DOCK4: variants seen among roughly 807,000 people sequenced by gnomAD.
The protein encoded by DOCK4 is dedicator of cytokinesis 4, also known as dedicator of cytokinesis protein 4.
Under a neutral mutation model 268.1 loss-of-function variants are expected in DOCK4, and 97 were observed. The ratio of observed to expected loss-of-function variants is 0.36; its 90% CI spans 0.31 to 0.43. DOCK4 has a LOEUF of 0.43. Ranked by LOEUF, DOCK4 falls within the 20% of genes least tolerant of loss-of-function variation. DOCK4 has a pLI of 1.00. For synonymous variants in DOCK4, 954 were observed against 887.2 expected (o/e 1.08, Z -1.34); for missense variants, 2,145 against 2,455.7 (o/e 0.87, Z 2.67).
chr7:111,852,239 C>T (rs1260664499), intron 23 of DOCK4, among the ~76,000 whole-genome samples: 1 of 152,186 alleles, frequency 6.6e-6, no homozygotes, highest in East Asian at 1.9e-4. Context: ...GCTAGGATTA[C>T]AGGCGTGAGC....
At chr7:111,976,709 T>C (rs1463565168) in intron 8 of DOCK4, 1 of 152,526 alleles carries the variant, frequency 6.6e-6, no homozygotes, top group African/African-American at 2.4e-5. Flanking sequence ...AGTATTTAGT[T>C]GTCTCTTTAA....
At chr7:112,086,977 C>A (rs1214736137) in intron 1 of DOCK4, among the ~76,000 whole-genome samples, 5 of 152,040 alleles carry the variant, frequency 3.3e-5, no homozygotes, top group African/African-American at 7.2e-5. Context: ...AATGAATAAC[C>A]TTGCATGCTG....
At chr7:111,764,017 T>A (rs1238258770) in intron 39 of DOCK4, among the ~76,000 whole-genome samples, 4 of 152,146 alleles carry the variant, frequency 2.6e-5, no homozygotes, top group Non-Finnish European at 5.9e-5. Flanking sequence ...AATCAAGATT[T>A]CCTCCAGTTT....
chr7:111,822,529 C>A, intron 26 of DOCK4, 73 bp from the exon 27 acceptor site: 1 of 1,270,628 alleles, frequency 7.9e-7, no homozygotes, highest in East Asian at 2.5e-5. Flanking sequence ...CATACACAGG[C>A]AGTACTGTTG....
At chr7:111,832,674 C>T (rs547231732) in intron 26 of DOCK4, among the ~76,000 whole-genome samples, 9 of 151,942 alleles carry the variant, frequency 5.9e-5, no homozygotes, top group Non-Finnish European at 1.2e-4. Flanking sequence ...ACTACAGGCA[C>T]GAGCCACCAT....
chr7:111,761,017 C>T (rs895314029), intron 39 of DOCK4, among the ~76,000 whole-genome samples: 1 of 151,796 alleles, frequency 6.6e-6, no homozygotes, highest in Non-Finnish European at 1.5e-5. Context: ...AGTCAGTGCC[C>T]CCTACAACAC....
intron 40 of DOCK4, 84 bp from the exon 41 acceptor site, chr7:111,758,874 A>C (rs1246834642): frequency 8.0e-7 from 1 of 1,251,710 alleles, no homozygotes; most frequent in Non-Finnish European, 1.1e-6. Context: ...CAGAGAGAAG[A>C]GGATGGGTAA....
chr7:111,789,039 T>A (rs1233099959), intron 31 of DOCK4: 13 of 419,918 alleles, frequency 3.1e-5, no homozygotes, highest in Non-Finnish European at 1.3e-5. Context: ...GTTTGAATTC[T>A]TTTTTAGGAG....
In DOCK4 at chr7:111,778,265, G is replaced by C; in HGVS notation, c.3679+11C>G. ...GCTCCCTTCCCAATCTGAGCCAAAAGACAGAATTACCTGTAAAGTTCTGTG... is the reference window on the plus strand; with the variant it reads ...GCTCCCTTCCCAATCTGAGCCAAAACACAGAATTACCTGTAAAGTTCTGTG... On this transcript the variant is annotated intron_variant, in intron 36 of 52. Coordinates refer to ENST00000428084, the MANE Select transcript of DOCK4 (RefSeq NM_001363540.2). 2 of 1,594,340 alleles carry C rather than the reference G, an allele frequency of 1.3e-6. No homozygotes were observed. The highest frequency in any genetic ancestry group is 1.7e-6 in the Non-Finnish European group (2 of 1,162,918).
intron 17 of DOCK4, among the ~76,000 whole-genome samples, chr7:111,873,384 T>C (rs1806581688): frequency 6.6e-6 from 1 of 152,200 alleles, no homozygotes; most frequent in Non-Finnish European, 1.5e-5. Context: ...AGAGGTGGCA[T>C]CTGGAGGCCA....
At chr7:111,930,926 T>A (rs1794148583) in intron 12 of DOCK4, among the ~76,000 whole-genome samples, 1 of 152,226 alleles carries the variant, frequency 6.6e-6, no homozygotes, top group East Asian at 1.9e-4. Flanking sequence ...AATTAGTTTT[T>A]AGGCTTCTTC....
intron 1 of DOCK4, among the ~76,000 whole-genome samples, chr7:112,010,425 T>A (rs929738545): frequency 2.0e-5 from 3 of 152,220 alleles, no homozygotes; most frequent in African/African-American, 7.2e-5. Context: ...AAGATGAAGT[T>A]AGGAGCAAGC....
Position 112,018,179 on chromosome 7 carries a change from A to AAAAAACAAC in DOCK4, c.38-14049_38-14048insGTTGTTTTT. On this transcript the variant is annotated intron_variant, in intron 1 of 52. Transcript: ENST00000428084. ...AAAAAAAAAAAAAAAAAAAAAAAAA[A>AAAAAACAAC]ACACAGGCAACCAGTATTCATGTGG... 9.6e-5 allele frequency among the ~76,000 whole-genome samples: 7 copies of AAAAAACAAC among 72,630 alleles called. 2 individuals carry two copies. The highest frequency in any genetic ancestry group is 4.0e-4 in the East Asian group (1 of 2,480). 47.6% of individuals were successfully genotyped at this position (72,630 alleles called of 152,430 possible).
chr7:111,893,196 T>G (rs1233348630), intron 16 of DOCK4, among the ~76,000 whole-genome samples: 2 of 152,212 alleles, frequency 1.3e-5, no homozygotes, highest in African/African-American at 4.8e-5. Flanking sequence ...GTCTAGGAAT[T>G]AATACCTGTT....
intron 11 of DOCK4, among the ~76,000 whole-genome samples, chr7:111,939,106 G>T (rs1332613876): frequency 6.6e-6 from 1 of 152,036 alleles, no homozygotes; most frequent in Admixed American, 6.6e-5. Flanking sequence ...TGCCAGCAAA[G>T]CACCGGAGGC....
At chr7:112,046,969 C>G (rs1201091936) in intron 1 of DOCK4, among the ~76,000 whole-genome samples, 1 of 152,168 alleles carries the variant, frequency 6.6e-6, no homozygotes, top group East Asian at 1.9e-4. Context: ...TGCAAAGGTT[C>G]TACTTTAAGT....
At chr7:111,777,977 C>T (rs1232914692) in intron 36 of DOCK4, among the ~76,000 whole-genome samples, 1 of 152,048 alleles carries the variant, frequency 6.6e-6, no homozygotes. Flanking sequence ...CAGACTAATA[C>T]AAACTTGAAG....
At chr7:112,017,475 T>G (rs61093895) in intron 1 of DOCK4, among the ~76,000 whole-genome samples, 2 of 152,148 alleles carry the variant, frequency 1.3e-5, no homozygotes, top group African/African-American at 4.8e-5. Context: ...CAATATAGTA[T>G]GGGAGAGGTA....
chr7:111,915,927 G>T, intron 12 of DOCK4, 23 bp from the exon 13 acceptor site: 1 of 1,602,030 alleles, frequency 6.2e-7, no homozygotes, highest in Non-Finnish European at 8.5e-7. Flanking sequence ...AGAGATACCC[G>T]AGTTAAAAAC....
Sources: allele counts gnomAD v4.1 joint callset (sites outside exome capture counted in the v4.1 genomes callset), GRCh38; gene constraint gnomAD v4.1.1; transcripts MANE v1.5; gene names NCBI Gene and HGNC (gene_info 2026-07-23, HGNC 2026-07-21).